Variants in CAMTA1 observed in about 807,000 individuals in gnomAD.
CAMTA1 encodes the protein calmodulin-binding transcription activator 1.
Under a neutral mutation model 170.9 loss-of-function variants are expected in CAMTA1, and 27 were observed. That is an observed-to-expected ratio of 0.16 (90% confidence interval 0.12 to 0.22). CAMTA1 has a LOEUF of 0.22. CAMTA1 is among the 10% of genes least tolerant of loss of function. The pLI is 1.00. For missense variants in CAMTA1, 1,619 were observed against 2,217.2 expected, an observed-to-expected ratio of 0.73 and a Z score of 5.42; for synonymous variants, 833 against 891.5, an observed-to-expected ratio of 0.93 and a Z score of 1.17.
chr1:7,052,860 GT>G (rs1203214617), intron 3 of CAMTA1, among the ~76,000 whole-genome samples: 4 of 152,120 alleles, frequency 2.6e-5, no homozygotes, highest in African/African-American at 9.7e-5. Flanking sequence ...TGGCTCTCTG[GT>G]CTCTTGGGCC....
intron 3 of CAMTA1, among the ~76,000 whole-genome samples, chr1:6,992,980 A>G (rs188911854): frequency 1.5e-4 from 23 of 152,366 alleles, no homozygotes; most frequent in Non-Finnish European, 1.9e-4. Flanking sequence ...TTGTTAAAAA[A>G]AGACTTTCTT....
At position 7,585,746 on chromosome 1, in the gene CAMTA1, G is replaced by C. The variant is rs776771329; in HGVS notation, c.511-54654G>C. 1.3e-5 allele frequency among the ~76,000 whole-genome samples: 2 copies of C among 150,944 alleles called. No homozygotes were observed. Among genetic ancestry groups the C allele is most frequent in the African/African-American group, 2.5e-5 (1 of 40,292 alleles). On this transcript the variant is annotated intron_variant, in intron 6 of 22. Transcript: ENST00000303635. The surrounding 1 kb of genome is among the most constrained non-coding windows in gnomAD (Gnocchi z 4.8). Reference sequence around the variant, plus strand: ...GGGTGCCCAGTTCATACATCCTAGAGGGGGGCTCTCTTGTGGACAGACAGG... The same window carrying C: ...GGGTGCCCAGTTCATACATCCTAGACGGGGGCTCTCTTGTGGACAGACAGG...
chr1:7,163,342 C>G (rs1464445823), intron 4 of CAMTA1, among the ~76,000 whole-genome samples: 2 of 88,904 alleles, frequency 2.2e-5, no homozygotes, highest in Admixed American at 1.7e-4. Flanking sequence ...AGCGGGAGGC[C>G]GGGGGGTGGG....
At chr1:7,479,847 C>T (rs1426704874) in intron 6 of CAMTA1, among the ~76,000 whole-genome samples, 1 of 152,242 alleles carries the variant, frequency 6.6e-6, no homozygotes, top group Non-Finnish European at 1.5e-5. Context: ...TAGCCAAGTG[C>T]TCCTGTGGGT....
At chr1:6,959,348 T>C (rs1689990446) in intron 3 of CAMTA1, among the ~76,000 whole-genome samples, 10 of 152,130 alleles carry the variant, frequency 6.6e-5, no homozygotes, top group Non-Finnish European at 1.5e-4. Context: ...ACGGGGACAC[T>C]GTGAGGGAGT....
intron 19 of CAMTA1, among the ~76,000 whole-genome samples, chr1:7,750,380 T>C (rs1285203128): frequency 1.3e-5 from 2 of 152,260 alleles, no homozygotes; most frequent in Non-Finnish European, 2.9e-5. Context: ...TGCCGTCTTA[T>C]AAGCAAAGGG....
chr1:6,958,107 T>G (rs887685769), intron 3 of CAMTA1, among the ~76,000 whole-genome samples: 2 of 152,162 alleles, frequency 1.3e-5, no homozygotes, highest in African/African-American at 4.8e-5. Flanking sequence ...TCCCAGACTG[T>G]GTGGGAGTCT....
intron 3 of CAMTA1, among the ~76,000 whole-genome samples, chr1:6,992,106 G>C (rs1388827580): frequency 6.6e-6 from 1 of 152,110 alleles, no homozygotes; most frequent in Non-Finnish European, 1.5e-5. Context: ...GTCTTACTCT[G>C]TCACCCAGGC....
Position 7,745,952 on chromosome 1 carries a change from C to T in CAMTA1, c.4478C>T (p.Ala1493Val), listed in dbSNP as rs147636995. Reference sequence around the variant, plus strand: ...GAGAAACCTAACCTTCCCTCCGCCGCGGATTGGTCAGAATTCCTGAGTGCA... The same window carrying T: ...GAGAAACCTAACCTTCCCTCCGCCGTGGATTGGTCAGAATTCCTGAGTGCA... ...AFEKPNLPSA[A>V]DWSEFLSAST... is the part of the protein sequence containing the mutation. Residue 1493 changes from alanine (A) to valine (V), a missense_variant, in exon 18 of 23, where the codon GCG (alanine) becomes GTG (valine). Ala to Val is a moderately conservative substitution (Grantham distance 64). Coordinates refer to ENST00000303635, the MANE Select transcript of CAMTA1 (RefSeq NM_015215.4). 111 of 1,614,192 alleles carry T rather than the reference C, an allele frequency of 6.9e-5. No individual in the cohort carries two copies. In the Middle Eastern group the frequency reaches 1.5e-3, roughly 22 times the overall value.
chr1:6,876,372 T>G (rs1669883877), intron 3 of CAMTA1, among the ~76,000 whole-genome samples: 1 of 151,890 alleles, frequency 6.6e-6, no homozygotes, highest in Admixed American at 6.6e-5. Context: ...TTAATTTTTT[T>G]TTTTTTGAGA....
chr1:6,927,969 C>T (rs1309979171), intron 3 of CAMTA1, among the ~76,000 whole-genome samples: 1 of 152,154 alleles, frequency 6.6e-6, no homozygotes, highest in Non-Finnish European at 1.5e-5. Context: ...ATCCAGGTGT[C>T]CTGCCTTCTT....
intron 5 of CAMTA1, among the ~76,000 whole-genome samples, chr1:7,339,625 A>G (rs984474404): frequency 6.6e-6 from 1 of 152,024 alleles, no homozygotes; most frequent in African/African-American, 2.4e-5. Flanking sequence ...TTTTTGAGAA[A>G]GAGTTCTTGC....
intron 5 of CAMTA1, among the ~76,000 whole-genome samples, chr1:7,444,562 G>A (rs1238556449): frequency 6.6e-6 from 1 of 152,226 alleles, no homozygotes; most frequent in East Asian, 1.9e-4. Context: ...CCTAGGGAGT[G>A]AGGAAGCAGG....
intron 6 of CAMTA1, among the ~76,000 whole-genome samples, chr1:7,558,772 C>A (rs1396945868): frequency 6.6e-6 from 1 of 152,242 alleles, no homozygotes; most frequent in Non-Finnish European, 1.5e-5. Flanking sequence ...CACTCGCCTG[C>A]CGAGGCTGTC....
At chr1:7,110,769 A>G (rs1042386410) in intron 4 of CAMTA1, among the ~76,000 whole-genome samples, 1 of 152,256 alleles carries the variant, frequency 6.6e-6, no homozygotes, top group Middle Eastern at 3.4e-3. Context: ...TCCTCTTTCT[A>G]TGTCAGCAGA....
chr1:7,364,447 CT>C (rs5772274), intron 5 of CAMTA1, among the ~76,000 whole-genome samples: 90,901 of 144,336 alleles, frequency 0.63, 29,622 homozygotes, highest in Non-Finnish European at 0.74. Context: ...CCTTGTGACT[CT>C]TTTTTTTTTT....
rs2095768488 is a variant in CAMTA1 at position 7,642,278 on chromosome 1, G to C, written c.664+1725G>C. Among the ~76,000 whole-genome samples, 1 of 152,194 alleles carries C rather than the reference G, an allele frequency of 6.6e-6. No homozygotes were observed. The stretch of plus-strand genomic sequence containing the variant: ...ACAGCTGCCCTTGGGAAGCCCTCCG[G>C]CTCTCTGCACAGTGCTGGGTGTGCA... On this transcript the variant is annotated intron_variant, in intron 7 of 22. Transcript: ENST00000303635. This position sits in a 1 kb window ranked among gnomAD's most constrained non-coding sequence, Gnocchi z 6.3.
intron 5 of CAMTA1, among the ~76,000 whole-genome samples, chr1:7,454,673 G>A (rs552560528): frequency 7.2e-4 from 110 of 152,076 alleles, no homozygotes; most frequent in Non-Finnish European, 1.1e-3. Context: ...CTCTACCCCC[G>A]CTTCGTCCTA....
chr1:7,537,952 A>G (rs2094567956), intron 6 of CAMTA1, among the ~76,000 whole-genome samples: 1 of 152,356 alleles, frequency 6.6e-6, no homozygotes, highest in East Asian at 1.9e-4. Flanking sequence ...TTCAGAAAAC[A>G]GTCTTTCCTC....
Sources: gnomAD v4.1 joint callset for allele counts (sites outside exome capture counted in the v4.1 genomes callset) on GRCh38, gnomAD v4.1.1 for gene constraint, Gnocchi (gnomAD v3.1) non-coding constraint, MANE v1.5 for transcripts, NCBI Gene and HGNC (gene_info 2026-07-23, HGNC 2026-07-21) for gene names.